The following COL6A5 variants were observed in gnomAD, a reference collection of about 807,000 sequenced individuals.
COL6A5 encodes collagen type VI alpha 5 chain.
A neutral mutation model predicts 65.6 loss-of-function variants in COL6A5; 48 were observed. That is an observed-to-expected ratio of 0.73 (90% CI 0.58 to 0.93). The LOEUF (loss-of-function observed/expected upper bound fraction) is 0.93, where lower values mean the gene tolerates loss of function less well. COL6A5 is among the 40% of genes least tolerant of loss of function. COL6A5 has a pLI of 0.00. For missense variants in COL6A5, 914 were observed against 928.3 expected, an observed-to-expected ratio of 0.98 and a Z score of 0.20; for synonymous variants, 291 against 322.8, an observed-to-expected ratio of 0.90 and a Z score of 1.05.
chr3:130,370,081 T>C (rs987769236), intron 1 of COL6A5, among the ~76,000 whole-genome samples: 1 of 152,194 alleles, frequency 6.6e-6, no homozygotes, highest in Non-Finnish European at 1.5e-5. Context: ...CCTTAAAGTA[T>C]CACTCATTCA....
At chr3:130,440,897 T>C in intron 3 of COL6A5, 72 bp downstream of exon 35, 1 of 1,111,184 alleles carries the variant, frequency 9.0e-7, no homozygotes, top group Non-Finnish European at 1.3e-6. Context: ...TGATAACCTA[T>C]TTTTGTATCT....
intron 24 of COL6A5, 29 bp from the exon 25 acceptor site, chr3:130,418,840 T>A (rs760508955): frequency 1.3e-6 from 2 of 1,538,394 alleles, no homozygotes; most frequent in South Asian, 2.4e-5. Context: ...ATTTTACTGA[T>A]CTGAAGCTCT....
At chr3:130,451,805 G>A (rs1434180278) in intron 4 of COL6A5, among the ~76,000 whole-genome samples, 2 of 152,124 alleles carry the variant, frequency 1.3e-5, no homozygotes, top group Non-Finnish European at 2.9e-5. Flanking sequence ...GTGCCAGAGA[G>A]GAAGGTTGAG....
At chr3:130,411,621 A>G (rs1937177493) in intron 20 of COL6A5, among the ~76,000 whole-genome samples, 1 of 152,210 alleles carries the variant, frequency 6.6e-6, no homozygotes, top group Non-Finnish European at 1.5e-5. Flanking sequence ...AAGAGGAAGC[A>G]GTAGAGCAGC....
At chr3:130,418,310 A>G (rs1937415401) in intron 24 of COL6A5, among the ~76,000 whole-genome samples, 1 of 151,610 alleles carries the variant, frequency 6.6e-6, no homozygotes, top group African/African-American at 2.4e-5. Context: ...CTCTTCCTGG[A>G]TCACTCTCAC....
intron 17 of COL6A5, among the ~76,000 whole-genome samples, chr3:130,407,688 C>T (rs1470896411): frequency 3.3e-5 from 5 of 152,212 alleles, no homozygotes; most frequent in Non-Finnish European, 7.3e-5. Context: ...TCATCTCACA[C>T]TAGTCCTGGT....
At chr3:130,480,513 T>G (rs144173861) in intron 7 of COL6A5, among the ~76,000 whole-genome samples, 65 of 152,272 alleles carry the variant, frequency 4.3e-4, no homozygotes, top group African/African-American at 1.5e-3. Context: ...ATAAACTATC[T>G]GACATTTAAA....
At chr3:130,409,262 A>G in intron 17 of COL6A5, 64 bp from the exon 18 acceptor site, 1 of 1,297,824 alleles carries the variant, frequency 7.7e-7, no homozygotes, top group Non-Finnish European at 1.0e-6. Context: ...ACAAAACTTC[A>G]CACTTAACAC....
intron 6 of COL6A5, among the ~76,000 whole-genome samples, chr3:130,390,177 CTCT>C (rs1216007095): frequency 2.0e-5 from 3 of 152,274 alleles, no homozygotes; most frequent in Non-Finnish European, 2.9e-5. Context: ...ACCTGCAAGG[CTCT>C]TCTTGGCATT....
intron 1 of COL6A5, among the ~76,000 whole-genome samples, chr3:130,357,720 A>T (rs1377366286): frequency 1.3e-5 from 2 of 152,332 alleles, no homozygotes; most frequent in Admixed American, 6.5e-5. Context: ...GAAAAAGCAT[A>T]TGTGATCATT....
At chr3:130,477,297 T>G in intron 7 of COL6A5, 1 of 457,964 alleles carries the variant, frequency 2.2e-6, no homozygotes, top group Non-Finnish European at 3.8e-6. Flanking sequence ...CTAAGTTTGA[T>G]CATCTATTTG....
At chr3:130,413,419 CA>C (rs1391219956) in intron 20 of COL6A5, 125 bp from the exon 21 acceptor site, 2 of 860,010 alleles carry the variant, frequency 2.3e-6, no homozygotes, top group Non-Finnish European at 3.7e-6. Flanking sequence ...GAAAATGCCT[CA>C]GGGAAACTGT....
intron 1 of COL6A5, among the ~76,000 whole-genome samples, chr3:130,433,380 C>G (rs928040786): frequency 6.6e-6 from 1 of 152,124 alleles, no homozygotes; most frequent in Admixed American, 6.5e-5. Flanking sequence ...GAGAAAGAGT[C>G]TCCAGTCATT....
chr3:130,443,637 A>C, intron 4 of COL6A5, 71 bp downstream of exon 36: 1 of 921,250 alleles, frequency 1.1e-6, no homozygotes, highest in Non-Finnish European at 1.8e-6. Flanking sequence ...GGTTAATAAC[A>C]CTTTATTAGG....
At chr3:130,443,614 T>C in intron 4 of COL6A5, 48 bp downstream of exon 36, 1 of 1,229,882 alleles carries the variant, frequency 8.1e-7, no homozygotes, top group Non-Finnish European at 1.2e-6. Flanking sequence ...AATTGGCTGA[T>C]GGGAGTATAA....
chr3:130,455,633 CA>C lies in COL6A5; in HGVS notation c.1516del (p.Lys506AsnfsTer43), dbSNP rs750272222. On this transcript the variant is annotated frameshift_variant, in exon 5 of 8. Coordinates refer to ENST00000512836, the Ensembl canonical transcript of COL6A5. LOFTEE classifies it high-confidence loss of function. Reference sequence around the variant, plus strand: ...ATTAATGATCAATTATGAAAAAGATCAAAAATCTGCAGAAATTGCAAGTCTC... The same window carrying C: ...ATTAATGATCAATTATGAAAAAGATCAAAATCTGCAGAAATTGCAAGTCTC... 1 of 1,612,566 alleles carries C rather than the reference CA, an allele frequency of 6.2e-7. No individual in the cohort carries two copies. Among genetic ancestry groups the C allele is most frequent in the Non-Finnish European group, 8.5e-7 (1 of 1,179,256 alleles).
chr3:130,455,717 A>C, intron 5 of COL6A5, 51 bp downstream of exon 37: 1 of 1,397,546 alleles, frequency 7.2e-7, no homozygotes, highest in East Asian at 2.3e-5. Flanking sequence ...CAGGATCCTC[A>C]TCTTTTAACA....
At chr3:130,449,802 G>T (rs1305568499) in intron 4 of COL6A5, among the ~76,000 whole-genome samples, 1 of 152,156 alleles carries the variant, frequency 6.6e-6, no homozygotes, top group Non-Finnish European at 1.5e-5. Context: ...TCACCGGCCA[G>T]AATGGAAACA....
exon 30 of COL6A5, chr3:130,426,243 A>G: frequency 1.3e-6 from 2 of 1,551,342 alleles, no homozygotes; most frequent in South Asian, 2.4e-5. Context: ...GGCAGCCTGT[A>G]TATTCTGTAT....
Sources: gnomAD v4.1 joint callset for allele counts (sites outside exome capture counted in the v4.1 genomes callset) on GRCh38, gnomAD v4.1.1 for gene constraint, MANE v1.5 for transcripts, NCBI Gene and HGNC (gene_info 2026-07-23, HGNC 2026-07-21) for gene names.